MFSD2A: variants seen among roughly 807,000 people sequenced by gnomAD.
MFSD2A encodes MFSD2 lysolipid transporter A, lysophospholipid, also known as sodium-dependent lysophosphatidylcholine symporter 1.
In MFSD2A, 27 loss-of-function variants were observed where a neutral mutation model predicts 64.7. That is an observed-to-expected ratio of 0.42 (90% confidence interval 0.31 to 0.58). The LOEUF (loss-of-function observed/expected upper bound fraction) is 0.58, where lower values mean the gene tolerates loss of function less well. Ranked by LOEUF, MFSD2A falls within the 20% of genes least tolerant of loss-of-function variation. MFSD2A has a pLI of 0.18. For missense variants in MFSD2A, 474 were observed against 679.5 expected (o/e 0.70, Z 3.36); for synonymous variants, 258 against 273.4 (o/e 0.94, Z 0.55).
chr1:39,967,772 G>A (rs1356054318), intron 10 of MFSD2A, 32 bp from the exon 11 acceptor site: 2 of 1,607,484 alleles, frequency 1.2e-6, no homozygotes, highest in Non-Finnish European at 8.5e-7. Context: ...GAACCTCCCA[G>A]CTGATTCATC....
In MFSD2A at chr1:39,957,219, C is replaced by G; in HGVS notation, c.226C>G (p.Gln76Glu). The G allele has an allele frequency of 6.3e-7, 1 of 1,591,188 alleles. No homozygotes were observed. The highest frequency in any genetic ancestry group is 8.6e-7 in the Non-Finnish European group (1 of 1,167,962). ...TCAGATCTACCTATTGGATGTGGCT[C>G]AGGTGAGTGGTCTAAGCCTTCGAGG... ...FLQIYLLDVA[Q>E]VGPFSASIIL... The change falls in exon 2 of 14, where the codon CAG (glutamine) becomes GAG (glutamate). Residue 76 changes from glutamine to glutamate, a missense_variant and splice_region_variant. Coordinates refer to ENST00000372811, the MANE Select transcript of MFSD2A (RefSeq NM_032793.5).
At position 39,968,296 on chromosome 1, in the gene MFSD2A, G is replaced by T. The variant is rs1415716756; in HGVS notation, c.1209-38G>T. The T allele has an allele frequency of 6.2e-7, 1 of 1,613,746 alleles. No homozygotes were observed. The highest frequency in any genetic ancestry group is 8.5e-7 in the Non-Finnish European group (1 of 1,179,832). On this transcript the variant is annotated intron_variant, in intron 11 of 13. Transcript: ENST00000372811. The surrounding 1 kb of genome is among the most constrained non-coding windows in gnomAD (Gnocchi z 4.4). ...TTCTCATTAACACAGAGGCCCGTTAGGTGGGTCAGTCCTCATGGCTGTCAC... is the reference window on the plus strand; with the variant it reads ...TTCTCATTAACACAGAGGCCCGTTATGTGGGTCAGTCCTCATGGCTGTCAC...
In MFSD2A at chr1:39,968,291, C is replaced by T. The variant is rs778735098; in HGVS notation, c.1209-43C>T. The T allele has an allele frequency of 2.0e-5, 33 of 1,613,306 alleles. No individual in the cohort carries two copies. In the East Asian group the frequency reaches 2.2e-4, roughly 11 times the overall value. On this transcript the variant is annotated intron_variant, in intron 11 of 13. Transcript: ENST00000372811. The surrounding 1 kb of genome is among the most constrained non-coding windows in gnomAD (Gnocchi z 4.4). Reference sequence around the variant, plus strand: ...ACCTCTTCTCATTAACACAGAGGCCCGTTAGGTGGGTCAGTCCTCATGGCT... The same window carrying T: ...ACCTCTTCTCATTAACACAGAGGCCTGTTAGGTGGGTCAGTCCTCATGGCT...
chr1:39,957,284 C>T (rs1423056785), intron 2 of MFSD2A, 63 bp downstream of exon 2: 1 of 1,469,352 alleles, frequency 6.8e-7, no homozygotes, highest in Non-Finnish European at 9.1e-7. Context: ...CTATGCACCC[C>T]TGGGTCAGTT....
At position 39,958,835 on chromosome 1, in the gene MFSD2A, A is replaced by G; in HGVS notation, c.353+10A>G. The G allele has an allele frequency of 6.3e-7, 1 of 1,587,014 alleles. No individual in the cohort carries two copies. The highest frequency in any genetic ancestry group is 8.6e-7 in the Non-Finnish European group (1 of 1,165,872). ...GTCGCCTTATGCCCTGGTGAGTAGA[A>G]TATGCCCCTTCGAGGTGGCACAAGG... On this transcript the variant is annotated intron_variant, in intron 3 of 13. Transcript: ENST00000372811. This position sits in a 1 kb window ranked among gnomAD's most constrained non-coding sequence, Gnocchi z 4.7.
rs918057569 is a variant in MFSD2A at position 39,967,012 on chromosome 1, G to T, written c.928-74G>T. The T allele has an allele frequency of 3.7e-6, 6 of 1,610,778 alleles. No homozygotes were observed. In the South Asian group the frequency reaches 4.4e-5, roughly 12 times the overall value. ...GAGCAGAGGTCTCTGGGGCTTGGGG[G>T]ATGTCTTGGGGAGGCTCAGCCCCAA... On this transcript the variant is annotated intron_variant, in intron 8 of 13. Transcript: ENST00000372811.
chr1:39,958,899 T>G lies in MFSD2A; in HGVS notation c.353+74T>G. ...ATATCTGCTCCTTGGTCCTTCTCTC[T>G]GTCTTGTCACAGGCAGAAGGGTGAG... is the stretch of plus-strand genomic sequence containing the variant. On this transcript the variant is annotated intron_variant, in intron 3 of 13. Coordinates refer to ENST00000372811, the MANE Select transcript of MFSD2A (RefSeq NM_032793.5). This position sits in a 1 kb window ranked among gnomAD's most constrained non-coding sequence, Gnocchi z 4.7. 8.8e-6 allele frequency: 13 copies of G among 1,484,666 alleles called. No homozygotes were observed. In the South Asian group the frequency reaches 1.7e-4, roughly 20 times the overall value. The allele number at this position is 1,484,666 out of a possible 1,614,324, so 92.0% of individuals were successfully genotyped here.
At chr1:39,967,732 GAGCC>G (rs1277413500) in intron 10 of MFSD2A, 21 bp downstream of exon 10, 1 of 1,613,370 alleles carries the variant, frequency 6.2e-7, no homozygotes, top group African/African-American at 1.3e-5. Context: ...TTGAAGAGCA[GAGCC>G]TGGGTTGAGT....
At chr1:39,962,720 G>A (rs1645071298) in intron 3 of MFSD2A, 2 of 794,178 alleles carry the variant, frequency 2.5e-6, no homozygotes, top group Non-Finnish European at 4.3e-6. Flanking sequence ...CCGAGGATAA[G>A]GAGTGGATGC....
intron 3 of MFSD2A, among the ~76,000 whole-genome samples, chr1:39,961,615 G>A (rs1645046205): frequency 6.6e-6 from 1 of 152,122 alleles, no homozygotes; most frequent in South Asian, 2.1e-4. Context: ...CCAAAGTGCT[G>A]GGATTACAGG....
chr1:39,967,019 TG>T, intron 8 of MFSD2A, 66 bp from the exon 9 acceptor site: 1 of 1,610,728 alleles, frequency 6.2e-7, no homozygotes, highest in African/African-American at 1.3e-5. Context: ...GGGGATGTCT[TG>T]GGGAGGCTCA....
In MFSD2A at chr1:39,955,812, C is replaced by A. The variant is rs1644915303; in HGVS notation, c.93+427C>A. ...TGCGCCTCAACTCTGCTGTTAGGGCCGCTCAAGTTCATTCATAAGAACAAG... is the reference window on the plus strand; with the variant it reads ...TGCGCCTCAACTCTGCTGTTAGGGCAGCTCAAGTTCATTCATAAGAACAAG... On this transcript the variant is annotated intron_variant, in intron 1 of 13. Transcript: ENST00000372811. This position sits in a 1 kb window ranked among gnomAD's most constrained non-coding sequence, Gnocchi z 5.9. The A allele has an allele frequency of 5.8e-6, 2 of 344,672 alleles. No homozygotes were observed. The highest frequency in any genetic ancestry group is 4.3e-5 in the South Asian group (2 of 46,046). 21.4% of individuals were successfully genotyped at this position (344,672 alleles called of 1,614,324 possible). A position where few individuals can be genotyped will look rare whatever the true frequency, so the allele number is the denominator to read the frequency against.
At chr1:39,962,870 G>T in intron 3 of MFSD2A, 1 of 1,570,884 alleles carries the variant, frequency 6.4e-7, no homozygotes, top group East Asian at 2.3e-5. Context: ...AGGTTTTGAA[G>T]ATTATGCCAG....
rs569466735 is a variant in MFSD2A, at chr1:39,966,760, G to C, written c.806-51G>C. On this transcript the variant is annotated intron_variant, in intron 7 of 13. Coordinates refer to ENST00000372811, the MANE Select transcript of MFSD2A (RefSeq NM_032793.5). The stretch of plus-strand genomic sequence containing the variant: ...GCTGTATCTTTCTGCCTGGCCCTCA[G>C]GCTTTGGGAGGGGTCTCTGCTCCTT... 6 of 1,613,716 alleles carry C rather than the reference G, an allele frequency of 3.7e-6. No individual in the cohort carries two copies. In the African/African-American group the frequency reaches 6.7e-5, roughly 18 times the overall value.
At chr1:39,961,966 C>T (rs1645053736) in intron 3 of MFSD2A, among the ~76,000 whole-genome samples, 1 of 152,242 alleles carries the variant, frequency 6.6e-6, no homozygotes, top group Non-Finnish European at 1.5e-5. Context: ...CCTGGTGTGG[C>T]CTGCATTAGT....
rs755065200 is a variant in MFSD2A at position 39,960,275 on chromosome 1, G to A, written c.353+1450G>A. Among the ~76,000 whole-genome samples, 30 of 152,358 alleles carry A rather than the reference G, an allele frequency of 2.0e-4. No individual in the cohort carries two copies. Among genetic ancestry groups the A allele is most frequent in the Non-Finnish European group, 4.1e-4 (28 of 68,028 alleles). ...TCATCTCCAGCCCATCCAGGCTTAA[G>A]TGGGCGCCTTCCTGCCCCAGGGGCG... On this transcript the variant is annotated intron_variant, in intron 3 of 13. Coordinates refer to ENST00000372811, the MANE Select transcript of MFSD2A (RefSeq NM_032793.5). The surrounding 1 kb of genome is among the most constrained non-coding windows in gnomAD (Gnocchi z 4.8).
At position 39,969,805 on chromosome 1, in the gene MFSD2A, A is replaced by G. The variant is rs1485246010; in HGVS notation, c.*237A>G. 1 of 548,856 alleles carries G rather than the reference A, an allele frequency of 1.8e-6. No homozygotes were observed. Among genetic ancestry groups the G allele is most frequent in the Non-Finnish European group, 3.2e-6 (1 of 312,236 alleles). 34.0% of individuals were successfully genotyped at this position (548,856 alleles called of 1,614,324 possible). On this transcript the variant is annotated 3_prime_UTR_variant, in exon 14 of 14. Coordinates refer to ENST00000372811, the MANE Select transcript of MFSD2A (RefSeq NM_032793.5). The stretch of plus-strand genomic sequence containing the variant: ...GGCTGCCACTGTGAATATGCCAAGG[A>G]CTGATCGGGCCTAGCCCGGAACACT...
chr1:39,959,685 A>AT (rs35703630), intron 3 of MFSD2A, among the ~76,000 whole-genome samples: 71,828 of 150,304 alleles, frequency 0.48, 18,151 homozygotes, highest in South Asian at 0.69. Context: ...TGGTGGATTA[A>AT]TTTTTTTTTT....
chr1:39,962,556 G>A, intron 3 of MFSD2A: 1 of 602,456 alleles, frequency 1.7e-6, no homozygotes. Flanking sequence ...AATGGCGGAT[G>A]ACACTGGTGC....
Sources: gnomAD v4.1 joint callset for allele counts (sites outside exome capture counted in the v4.1 genomes callset) on GRCh38, gnomAD v4.1.1 for gene constraint, Gnocchi (gnomAD v3.1) non-coding constraint, MANE v1.5 for transcripts, NCBI Gene and HGNC (gene_info 2026-07-23, HGNC 2026-07-21) for gene names.